The following AKAP12 variants were observed in gnomAD, a reference collection of about 807,000 sequenced individuals.
The protein encoded by AKAP12 is A-kinase anchor protein 12.
Under a neutral mutation model 79.9 loss-of-function variants are expected in AKAP12, and 32 were observed. The ratio of observed to expected loss-of-function variants is 0.40; its 90% CI spans 0.30 to 0.54. The LOEUF (loss-of-function observed/expected upper bound fraction) is 0.54, where lower values mean the gene tolerates loss of function less well. AKAP12 is among the 20% of genes least tolerant of loss of function. AKAP12 has a pLI of 0.48. For synonymous variants in AKAP12, 808 were observed against 857.0 expected (o/e 0.94, Z 1.00); for missense variants, 2,074 against 2,177.0 (o/e 0.95, Z 0.94).
At chr6:151,259,999 C>G (rs1797392139) in intron 2 of AKAP12, among the ~76,000 whole-genome samples, 1 of 151,814 alleles carries the variant, frequency 6.6e-6, no homozygotes, top group Admixed American at 6.6e-5. Flanking sequence ...TCTGAGGGTT[C>G]CTAACACAGT....
intron 3 of AKAP12, among the ~76,000 whole-genome samples, chr6:151,321,161 A>AT (rs1777374372): frequency 6.6e-6 from 1 of 151,938 alleles, no homozygotes; most frequent in African/African-American, 2.4e-5. Flanking sequence ...TAAATTTTGT[A>AT]TTTTTAATAG....
intron 3 of AKAP12, chr6:151,324,432 A>G (rs1045363783): frequency 3.9e-5 from 38 of 985,240 alleles, no homozygotes; most frequent in Non-Finnish European, 4.5e-5. Flanking sequence ...GTGCCCAAAA[A>G]GTGCAACTAC....
At chr6:151,347,891 A>C (rs1413129466) in intron 3 of AKAP12, among the ~76,000 whole-genome samples, 1 of 48,006 alleles carries the variant, frequency 2.1e-5, no homozygotes, top group African/African-American at 3.3e-5. Flanking sequence ...ACAAAAATTG[A>C]CTGGGCGTGT....
At chr6:151,266,921 G>A (rs1776044736) in intron 2 of AKAP12, among the ~76,000 whole-genome samples, 1 of 151,118 alleles carries the variant, frequency 6.6e-6, no homozygotes, top group African/African-American at 2.4e-5. Flanking sequence ...GGAGGCTGAG[G>A]CAGGAGAATG....
Position 151,352,175 on chromosome 6 carries a change from G to C in AKAP12, c.3784G>C (p.Glu1262Gln). The C allele has an allele frequency of 1.2e-6, 2 of 1,614,152 alleles. No homozygotes were observed. Among genetic ancestry groups the C allele is most frequent in the Non-Finnish European group, 1.7e-6 (2 of 1,180,014 alleles). ...AACTGTATCCATTCTGTCAAAGACT[G>C]AGGGGACTCAAGAGGCTGACCAGTA... ...VETVSILSKT[E>Q]GTQEADQYAD... The change falls in exon 4 of 5, where the codon GAG (glutamate) becomes CAG (glutamine). Residue 1262 changes from glutamate to glutamine, a missense_variant. Transcript: ENST00000402676.
At position 151,356,187 on chromosome 6, in the gene AKAP12, G is replaced by T. The variant is rs1454218771; in HGVS notation, c.*473G>T. 1 of 152,580 alleles carries T rather than the reference G, an allele frequency of 6.6e-6. No individual in the cohort carries two copies. The highest frequency in any genetic ancestry group is 1.5e-5 in the Non-Finnish European group (1 of 68,034). 9.5% of individuals were successfully genotyped at this position (152,580 alleles called of 1,614,324 possible). ...ATGATGGGGCATGTGCCATAGTGCA[G>T]GCTTGGGGAGCTTTAAGCCTCAGTT... On this transcript the variant is annotated 3_prime_UTR_variant, in exon 5 of 5. Transcript: ENST00000402676.
rs1777511474 is a variant in AKAP12, at chr6:151,325,883, C to CA, written c.319+19981dup. 8 of 1,614,212 alleles carry CA rather than the reference C, an allele frequency of 5.0e-6. 1 individual carries two copies. The Middle Eastern group carries it at 1.2e-3, about 233-fold the overall frequency. ...AATATGCTGGGGACCATCACCATCA[C>CA]AGGTAAGGCACAAGCCAGGTCGCTT... On this transcript the variant is annotated intron_variant, in intron 3 of 4. Coordinates refer to ENST00000402676, the MANE Select transcript of AKAP12 (RefSeq NM_005100.4).
intron 3 of AKAP12, among the ~76,000 whole-genome samples, chr6:151,307,977 C>T (rs771931534): frequency 2.0e-5 from 3 of 152,036 alleles, no homozygotes; most frequent in African/African-American, 4.8e-5. Context: ...CCCCCGCCTC[C>T]GGCTCCAGTG....
intron 3 of AKAP12, chr6:151,325,153 A>G (rs1205941941): frequency 1.0e-6 from 1 of 985,338 alleles, no homozygotes; most frequent in Non-Finnish European, 1.2e-6. Context: ...GCCAGTCTTC[A>G]GAGCAGTGCA....
intron 2 of AKAP12, among the ~76,000 whole-genome samples, chr6:151,260,791 C>T (rs115707864): frequency 0.013 from 2,028 of 152,090 alleles, 60 homozygotes; most frequent in African/African-American, 0.046. Flanking sequence ...GTCAGGAGTT[C>T]GAGACCAACC....
chr6:151,257,765 C>T (rs1797330322), intron 2 of AKAP12, among the ~76,000 whole-genome samples: 1 of 152,066 alleles, frequency 6.6e-6, no homozygotes, highest in Admixed American at 6.6e-5. Flanking sequence ...GTGGGAAGTG[C>T]CTTAGATTAT....
chr6:151,316,154 T>A (rs1314418837), intron 3 of AKAP12, among the ~76,000 whole-genome samples: 1 of 152,230 alleles, frequency 6.6e-6, no homozygotes, highest in Non-Finnish European at 1.5e-5. Context: ...TTAATCAAGA[T>A]TTATTCCTGC....
At chr6:151,307,523 C>T (rs528449023) in intron 3 of AKAP12, among the ~76,000 whole-genome samples, 64 of 152,238 alleles carry the variant, frequency 4.2e-4, no homozygotes, top group South Asian at 1.2e-3. Context: ...AAAGGGGTGC[C>T]GGAGGCTTCT....
chr6:151,310,956 C>G (rs1019592579), intron 3 of AKAP12, among the ~76,000 whole-genome samples: 6 of 152,112 alleles, frequency 3.9e-5, no homozygotes, highest in African/African-American at 1.4e-4. Flanking sequence ...CAATGGCAAT[C>G]TTTTCCTTAG....
At chr6:151,321,162 T>A (rs777160069) in intron 3 of AKAP12, among the ~76,000 whole-genome samples, 1 of 152,124 alleles carries the variant, frequency 6.6e-6, no homozygotes, top group East Asian at 1.9e-4. Context: ...AAATTTTGTA[T>A]TTTTAATAGA....
intron 2 of AKAP12, among the ~76,000 whole-genome samples, chr6:151,270,386 G>A (rs1372858456): frequency 1.3e-5 from 2 of 152,168 alleles, no homozygotes; most frequent in African/African-American, 4.8e-5. Context: ...ATAATATTCC[G>A]TTGTATGGAT....
At position 151,297,019 on chromosome 6, in the gene AKAP12, G is replaced by GTTTTTTT. The variant is rs36046672; in HGVS notation, c.163-8717_163-8711dup. ...TGTATGCCTAGGTTGAAATAAAAGG[G>GTTTTTTT]TTTTTTTTTTTTTTTTTGCCAGTCT... On this transcript the variant is annotated intron_variant, in intron 2 of 4. Coordinates refer to ENST00000402676, the MANE Select transcript of AKAP12 (RefSeq NM_005100.4). Among the ~76,000 whole-genome samples the GTTTTTTT allele has an allele frequency of 3.1e-3, 396 of 127,592 alleles. 6 individuals carry two copies. Among genetic ancestry groups the GTTTTTTT allele is most frequent in the East Asian group, 0.02 (84 of 4,224 alleles). The allele number at this position is 127,592 out of a possible 152,430, so 83.7% of individuals were successfully genotyped here.
rs933230042 is a variant in AKAP12, at chr6:151,356,917, G to C, written c.*1203G>C. The C allele has an allele frequency of 6.6e-6, 1 of 152,152 alleles. No individual in the cohort carries two copies. Among genetic ancestry groups the C allele is most frequent in the African/African-American group, 2.4e-5 (1 of 41,432 alleles). The allele number at this position is 152,152 out of a possible 1,614,324, so 9.4% of individuals were successfully genotyped here. ...TTGTCACTGGTTTGTGTGTTCAGAG[G>C]AAGCCATGGCCGAGATAGCTTTCCT... On this transcript the variant is annotated 3_prime_UTR_variant, in exon 5 of 5. Transcript: ENST00000402676.
intron 2 of AKAP12, among the ~76,000 whole-genome samples, chr6:151,281,813 G>A (rs983628637): frequency 6.6e-6 from 1 of 151,484 alleles, no homozygotes; most frequent in African/African-American, 2.4e-5. Flanking sequence ...AGCCTTCTGA[G>A]TAGCTAGGAA....
Sources: gnomAD v4.1 joint callset for allele counts (sites outside exome capture counted in the v4.1 genomes callset) on GRCh38, gnomAD v4.1.1 for gene constraint, MANE v1.5 for transcripts, NCBI Gene and HGNC (gene_info 2026-07-23, HGNC 2026-07-21) for gene names.